Variants in CAMKMT observed in about 807,000 individuals in gnomAD.
The protein encoded by CAMKMT is calmodulin-lysine N-methyltransferase, also known as CaM KMT.
Under a neutral mutation model 48.0 loss-of-function variants are expected in CAMKMT, and 53 were observed. The observed-to-expected ratio is 1.10, with a 90% CI of 0.89 to 1.39. The LOEUF is 1.39. CAMKMT is among the 40% of genes most tolerant of loss of function. The pLI is 0.00. For missense variants in CAMKMT, 428 were observed against 402.7 expected (o/e 1.06, Z -0.54); for synonymous variants, 165 against 152.3 (o/e 1.08, Z -0.61).
chr2:44,438,092 A>G (rs1572874785), intron 3 of CAMKMT, among the ~76,000 whole-genome samples: 1 of 152,282 alleles, frequency 6.6e-6, no homozygotes, highest in South Asian at 2.1e-4. Flanking sequence ...TTATAGCCGC[A>G]TGAGAAAACT....
At chr2:44,576,747 G>C (rs888370530) in intron 3 of CAMKMT, among the ~76,000 whole-genome samples, 1 of 152,174 alleles carries the variant, frequency 6.6e-6, no homozygotes, top group Non-Finnish European at 1.5e-5. Context: ...AAGTAAGTGT[G>C]CTGTGGAGGC....
At position 44,389,813 on chromosome 2, in the gene CAMKMT, ATTTC is replaced by A. The variant is rs1681147785; in HGVS notation, c.312-424_312-421del. Among the ~76,000 whole-genome samples the A allele has an allele frequency of 2.0e-5, 3 of 152,238 alleles. No homozygotes were observed. The South Asian group carries it at 6.2e-4, about 32-fold the overall frequency. ...GGAATAGCAGACCTGAAGATTGGCT[ATTTC>A]TTTGTGACTGAAGTTCTGAATTTTT... On this transcript the variant is annotated intron_variant, in intron 2 of 10. Coordinates refer to ENST00000378494, the MANE Select transcript of CAMKMT (RefSeq NM_024766.5).
chr2:44,482,503 C>T (rs1242288796), intron 3 of CAMKMT, among the ~76,000 whole-genome samples: 1 of 152,112 alleles, frequency 6.6e-6, no homozygotes, highest in African/African-American at 2.4e-5. Flanking sequence ...CTGGGTACTA[C>T]ATAAATAAGA....
At chr2:44,771,235 T>A (rs1181655161) in intron 10 of CAMKMT, among the ~76,000 whole-genome samples, 1 of 152,186 alleles carries the variant, frequency 6.6e-6, no homozygotes, top group African/African-American at 2.4e-5. Flanking sequence ...ATTTTTTTAT[T>A]CTTATAATCT....
At chr2:44,387,857 C>A (rs1680926380) in intron 2 of CAMKMT, among the ~76,000 whole-genome samples, 1 of 152,130 alleles carries the variant, frequency 6.6e-6, no homozygotes, top group Non-Finnish European at 1.5e-5. Flanking sequence ...GTTTGAGAGG[C>A]CCCAGTCCCT....
At chr2:44,634,972 G>A (rs1308161923) in intron 3 of CAMKMT, among the ~76,000 whole-genome samples, 1 of 152,186 alleles carries the variant, frequency 6.6e-6, no homozygotes, top group Non-Finnish European at 1.5e-5. Context: ...GCTTTGGGAG[G>A]CCAAGGTGGA....
chr2:44,409,112 T>TTGCTAC (rs1558587832), intron 3 of CAMKMT, among the ~76,000 whole-genome samples: 2 of 3,914 alleles, frequency 5.1e-4, no homozygotes, highest in African/African-American at 1.7e-3. Flanking sequence ...TATATATATA[T>TTGCTAC]ATATATATAT....
chr2:44,668,329 G>A (rs942883539), intron 3 of CAMKMT, among the ~76,000 whole-genome samples: 9 of 152,164 alleles, frequency 5.9e-5, no homozygotes, highest in Non-Finnish European at 5.9e-5. Context: ...ACTAAGGCTA[G>A]GCATTCTTCT....
intron 1 of CAMKMT, among the ~76,000 whole-genome samples, chr2:44,372,114 A>G (rs7593926): frequency 0.22 from 33,114 of 152,134 alleles, 7,768 homozygotes; most frequent in African/African-American, 0.59. Context: ...TCTTTCTTTT[A>G]GAATTGACAC....
intron 3 of CAMKMT, among the ~76,000 whole-genome samples, chr2:44,476,393 A>T (rs1668690315): frequency 6.6e-6 from 1 of 152,122 alleles, no homozygotes; most frequent in Admixed American, 6.5e-5. Flanking sequence ...ATATTCTTAA[A>T]ATGGGATACA....
intron 3 of CAMKMT, among the ~76,000 whole-genome samples, chr2:44,546,196 CACACACAT>C (rs1385014696): frequency 6.2e-5 from 9 of 144,114 alleles, no homozygotes; most frequent in African/African-American, 9.9e-5. Flanking sequence ...CACACACACA[CACACACAT>C]ACATGCACAT....
intron 2 of CAMKMT, among the ~76,000 whole-genome samples, chr2:44,389,300 G>T (rs1558566591): frequency 6.6e-6 from 1 of 152,108 alleles, no homozygotes; most frequent in Non-Finnish European, 1.5e-5. Context: ...ACCTTTAAAA[G>T]CCCTATTGCT....
At chr2:44,418,474 G>A (rs553890032) in intron 3 of CAMKMT, among the ~76,000 whole-genome samples, 1 of 152,042 alleles carries the variant, frequency 6.6e-6, no homozygotes, top group Admixed American at 6.6e-5. Flanking sequence ...GTATTTGGTT[G>A]TTTTGGTATC....
chr2:44,590,202 T>TG (rs145517305), intron 3 of CAMKMT, among the ~76,000 whole-genome samples: 3,571 of 152,226 alleles, frequency 0.023, 118 homozygotes, highest in African/African-American at 0.076. Context: ...TCTATGTCTA[T>TG]GGGGGATATT....
intron 2 of CAMKMT, among the ~76,000 whole-genome samples, chr2:44,381,889 T>G (rs1680276436): frequency 6.6e-6 from 1 of 152,110 alleles, no homozygotes; most frequent in Non-Finnish European, 1.5e-5. Context: ...TTAAAACTTT[T>G]TTTGGATTTC....
chr2:44,552,402 T>A (rs1278732932), intron 3 of CAMKMT, among the ~76,000 whole-genome samples: 1 of 152,138 alleles, frequency 6.6e-6, no homozygotes, highest in Non-Finnish European at 1.5e-5. Flanking sequence ...GTGCTTGACA[T>A]GGAGGATTTA....
At chr2:44,625,643 G>A (rs550736570) in intron 3 of CAMKMT, among the ~76,000 whole-genome samples, 16 of 152,050 alleles carry the variant, frequency 1.1e-4, no homozygotes, top group African/African-American at 3.1e-4. Context: ...TAAAGCTTTA[G>A]CATTTATGTT....
intron 3 of CAMKMT, among the ~76,000 whole-genome samples, chr2:44,625,863 A>G (rs1672453236): frequency 6.6e-6 from 1 of 152,026 alleles, no homozygotes; most frequent in African/African-American, 2.4e-5. Context: ...TATTCCCTTA[A>G]TCTGTATGTC....
rs140976800 is a variant in CAMKMT, at chr2:44,540,525, C to T, written c.376+150220C>T. Among the ~76,000 whole-genome samples the T allele has an allele frequency of 3.4e-3, 518 of 152,184 alleles. 2 individuals carry two copies. The highest frequency in any genetic ancestry group is 7.7e-3 in the Admixed American group (117 of 15,274). On this transcript the variant is annotated intron_variant, in intron 3 of 10. Coordinates refer to ENST00000378494, the MANE Select transcript of CAMKMT (RefSeq NM_024766.5). ...CAGCACTTTGGGAGGCCGAGGTGTG[C>T]GGATCCCTTGAGTTCAGGCGTTCAA...
Sources: allele counts gnomAD v4.1 joint callset (sites outside exome capture counted in the v4.1 genomes callset), GRCh38; gene constraint gnomAD v4.1.1; transcripts MANE v1.5; gene names NCBI Gene and HGNC (gene_info 2026-07-23, HGNC 2026-07-21).